MRPL22: variants seen among roughly 807,000 people sequenced by gnomAD.
MRPL22 encodes the protein mitochondrial ribosomal protein L22.
In MRPL22, 27 loss-of-function variants were observed where a neutral mutation model predicts 32.4. That is an observed-to-expected ratio of 0.83 (90% CI 0.61 to 1.15). The LOEUF is 1.15. Among genes scored for constraint, MRPL22 ranks in the 50% most tolerant of loss-of-function variants. The pLI, the probability that MRPL22 is intolerant of heterozygous loss-of-function variation, is 0.00. For synonymous variants in MRPL22, 86 were observed against 87.3 expected, an observed-to-expected ratio of 0.99 and a Z score of 0.08; for missense variants, 239 against 260.2, an observed-to-expected ratio of 0.92 and a Z score of 0.56.
intron 3 of MRPL22, among the ~76,000 whole-genome samples, chr5:154,953,801 C>T (rs767471206): frequency 1.3e-5 from 2 of 150,702 alleles, no homozygotes; most frequent in Non-Finnish European, 2.9e-5. Flanking sequence ...ATTCTTGTGC[C>T]TCAGCCTCCC....
chr5:154,958,705 C>A (rs990686416), intron 5 of MRPL22, among the ~76,000 whole-genome samples: 4 of 151,894 alleles, frequency 2.6e-5, no homozygotes, highest in African/African-American at 9.7e-5. Flanking sequence ...CCACCACGTC[C>A]AGCTAATATT....
At position 154,968,508 on chromosome 5, in the gene MRPL22, A is replaced by G. The variant is rs1487361052; in HGVS notation, c.*1611A>G. Reference sequence around the variant, plus strand: ...TTCTCTGTAGAAAACCTTTTTTAGAATCACTTGAAGAATTTGTTTAAAAAT... The same window carrying G: ...TTCTCTGTAGAAAACCTTTTTTAGAGTCACTTGAAGAATTTGTTTAAAAAT... On this transcript the variant is annotated 3_prime_UTR_variant, in exon 7 of 7. Transcript: ENST00000523037. 1 of 152,214 alleles carries G rather than the reference A, an allele frequency of 6.6e-6. No individual in the cohort carries two copies. The highest frequency in any genetic ancestry group is 1.5e-5 in the Non-Finnish European group (1 of 68,030). The allele number at this position is 152,214 out of a possible 1,614,324, so 9.4% of individuals were successfully genotyped here. A position where few individuals can be genotyped will look rare whatever the true frequency, so the allele number is the denominator to read the frequency against.
intron 6 of MRPL22, among the ~76,000 whole-genome samples, chr5:154,964,956 G>A (rs916352997): frequency 5.3e-5 from 8 of 152,070 alleles, no homozygotes; most frequent in Non-Finnish European, 7.4e-5. Flanking sequence ...TCCAGGGGAC[G>A]CGCCGTGATG....
intron 3 of MRPL22, among the ~76,000 whole-genome samples, chr5:154,954,872 A>G (rs1222314920): frequency 6.6e-6 from 1 of 152,068 alleles, no homozygotes; most frequent in Non-Finnish European, 1.5e-5. Context: ...GCTCACTACA[A>G]GCTCCACCTC....
chr5:154,960,233 G>A (rs1561742275), intron 6 of MRPL22, among the ~76,000 whole-genome samples, 184 bp downstream of exon 6: 2 of 152,190 alleles, frequency 1.3e-5, no homozygotes, highest in East Asian at 3.9e-4. Flanking sequence ...GACAATAACT[G>A]TACTGTTTTA....
At chr5:154,966,194 C>T (rs1179977550) in intron 6 of MRPL22, among the ~76,000 whole-genome samples, 1 of 152,158 alleles carries the variant, frequency 6.6e-6, no homozygotes, top group African/African-American at 2.4e-5. Context: ...TAAAACAAGC[C>T]GAGTGCATTC....
chr5:154,952,904 T>G (rs1327882316), intron 3 of MRPL22, among the ~76,000 whole-genome samples: 1 of 152,208 alleles, frequency 6.6e-6, no homozygotes, highest in African/African-American at 2.4e-5. Flanking sequence ...GATGGGATAG[T>G]GAGCAAAACC....
intron 2 of MRPL22, among the ~76,000 whole-genome samples, chr5:154,945,050 G>A (rs1764471265): frequency 6.6e-6 from 1 of 152,154 alleles, no homozygotes; most frequent in Admixed American, 6.5e-5. Context: ...ACTGTTGTAA[G>A]GTTTTGAGCA....
intron 6 of MRPL22, among the ~76,000 whole-genome samples, chr5:154,962,726 T>A (rs1272775929): frequency 6.6e-6 from 1 of 152,144 alleles, no homozygotes; most frequent in Non-Finnish European, 1.5e-5. Context: ...CCTTAACAAG[T>A]GGACAGGGAC....
chr5:154,942,510 T>TC (rs1222302079), intron 2 of MRPL22, among the ~76,000 whole-genome samples: 1 of 152,170 alleles, frequency 6.6e-6, no homozygotes, highest in Non-Finnish European at 1.5e-5. Flanking sequence ...CTATCACTCT[T>TC]CCCCCAACCA....
intron 6 of MRPL22, among the ~76,000 whole-genome samples, chr5:154,962,436 G>A (rs1348005333): frequency 2.0e-5 from 3 of 152,118 alleles, no homozygotes; most frequent in African/African-American, 7.2e-5. Context: ...CTTGGAAAAG[G>A]CCTAGACATT....
chr5:154,963,939 A>G (rs1391513201), intron 6 of MRPL22, among the ~76,000 whole-genome samples: 1 of 152,158 alleles, frequency 6.6e-6, no homozygotes, highest in Non-Finnish European at 1.5e-5. Flanking sequence ...GCAGAGGCAC[A>G]TAGGTTGGAA....
chr5:154,953,362 GAAAAA>G (rs573134537), intron 3 of MRPL22, among the ~76,000 whole-genome samples: 1 of 69,236 alleles, frequency 1.4e-5, no homozygotes, highest in Non-Finnish European at 2.6e-5. Context: ...CGTCTCAGGA[GAAAAA>G]AAAAAAAAAA....
chr5:154,959,250 A>T (rs1480078272), intron 5 of MRPL22: 1 of 150,992 alleles, frequency 6.6e-6, no homozygotes, highest in Non-Finnish European at 1.5e-5. Context: ...GCCTCAAGGG[A>T]TCCTCCTGCC....
chr5:154,964,108 G>T (rs537459257), intron 6 of MRPL22, among the ~76,000 whole-genome samples: 21 of 152,308 alleles, frequency 1.4e-4, no homozygotes, highest in Admixed American at 4.6e-4. Context: ...AGAGGTTTGG[G>T]TAAGAGATTT....
intron 2 of MRPL22, among the ~76,000 whole-genome samples, chr5:154,942,219 T>C (rs1358692753): frequency 6.6e-6 from 1 of 152,266 alleles, no homozygotes; most frequent in East Asian, 1.9e-4. Context: ...GTACTGGGAT[T>C]ACAGGCACAT....
chr5:154,963,726 A>G (rs1291595450), intron 6 of MRPL22, among the ~76,000 whole-genome samples: 1 of 152,222 alleles, frequency 6.6e-6, no homozygotes, highest in Non-Finnish European at 1.5e-5. Flanking sequence ...ACAGATGCTT[A>G]TAAAGACAGC....
At chr5:154,958,965 C>G (rs1159632122) in intron 5 of MRPL22, 2 of 152,154 alleles carry the variant, frequency 1.3e-5, no homozygotes, top group Non-Finnish European at 2.9e-5. Flanking sequence ...ATTTTCTCTA[C>G]TTGTCTGATG....
chr5:154,947,571 G>A lies in MRPL22; in HGVS notation c.78-3250G>A, dbSNP rs34473541. 2.4e-3 allele frequency among the ~76,000 whole-genome samples: 366 copies of A among 152,278 alleles called. 3 individuals are homozygous for A. The highest frequency in any genetic ancestry group is 4.4e-3 in the Non-Finnish European group (296 of 68,012). ...GTTTGCCAAGTAAATCATCCAAGTT[G>A]CATATTTGTATGAGAATATGCCAAT... On this transcript the variant is annotated intron_variant, in intron 2 of 6. Coordinates refer to ENST00000523037, the MANE Select transcript of MRPL22 (RefSeq NM_014180.4).
Sources: allele counts gnomAD v4.1 joint callset (sites outside exome capture counted in the v4.1 genomes callset), GRCh38; gene constraint gnomAD v4.1.1; transcripts MANE v1.5; gene names NCBI Gene and HGNC (gene_info 2026-07-23, HGNC 2026-07-21).